GREB1: variants seen among roughly 807,000 people sequenced by gnomAD.
GREB1 encodes the protein protein GREB1.
A neutral mutation model predicts 200.7 loss-of-function variants in GREB1; 106 were observed. That is an observed-to-expected ratio of 0.53 (90% CI 0.45 to 0.62). GREB1 has a LOEUF of 0.62. GREB1 is among the 20% of genes least tolerant of loss of function. GREB1 has a pLI of 0.00. For missense variants in GREB1, 2,243 were observed against 2,556.8 expected, an observed-to-expected ratio of 0.88 and a Z score of 2.65; for synonymous variants, 1,132 against 1,092.4, an observed-to-expected ratio of 1.04 and a Z score of -0.72.
At chr2:11,551,703 C>T (rs1424585107) in intron 1 of GREB1, among the ~76,000 whole-genome samples, 4 of 152,174 alleles carry the variant, frequency 2.6e-5, no homozygotes, top group Non-Finnish European at 5.9e-5. Context: ...AGACATCCTA[C>T]TCAGTGGTCT....
chr2:11,485,905 A>G (rs149858646), intron 1 of GREB1, among the ~76,000 whole-genome samples: 1 of 152,342 alleles, frequency 6.6e-6, no homozygotes, highest in Non-Finnish European at 1.5e-5. Flanking sequence ...GGAAGAAGAT[A>G]AGTGTAACAT....
At chr2:11,497,145 A>G (rs1293736747) in intron 1 of GREB1, among the ~76,000 whole-genome samples, 1 of 152,178 alleles carries the variant, frequency 6.6e-6, no homozygotes, top group Non-Finnish European at 1.5e-5. Flanking sequence ...CACCCCTGGC[A>G]ATTGGTGATC....
At chr2:11,559,593 T>C (rs1020177093) in intron 2 of GREB1, among the ~76,000 whole-genome samples, 2 of 152,154 alleles carry the variant, frequency 1.3e-5, no homozygotes, top group Non-Finnish European at 2.9e-5. Context: ...GGGATGTGTC[T>C]CCCTTATTTC....
intron 1 of GREB1, among the ~76,000 whole-genome samples, chr2:11,541,210 G>T (rs1166669278): frequency 1.3e-5 from 2 of 152,180 alleles, no homozygotes; most frequent in Non-Finnish European, 2.9e-5. Context: ...AGGTGGGAGG[G>T]TATGTGGTGT....
intron 1 of GREB1, among the ~76,000 whole-genome samples, chr2:11,514,384 G>A (rs1195061445): frequency 6.6e-6 from 1 of 152,184 alleles, no homozygotes; most frequent in East Asian, 1.9e-4. Context: ...ACCAGTTGGA[G>A]ACTCTGACTC....
rs567126149 is a variant in GREB1 at position 11,637,880 on chromosome 2, G to C, written c.5511G>C (p.Val1837=). The C allele has an allele frequency of 6.2e-7, 1 of 1,614,192 alleles. No homozygotes were observed. Among genetic ancestry groups the C allele is most frequent in the East Asian group, 2.2e-5 (1 of 44,880 alleles). ...PLSLKNHDHP[V]LSVDCYLNLG... ...CCCTGAAGAACCATGACCACCCAGTGCTGTCTGTCGACTGTTACCTGAACC... is the reference window on the plus strand; with the variant it reads ...CCCTGAAGAACCATGACCACCCAGTCCTGTCTGTCGACTGTTACCTGAACC... The change falls in exon 31 of 33, where the codon GTG becomes GTC. Residue 1837 remains valine, a synonymous_variant. Transcript: ENST00000381486.
chr2:11,522,938 G>A (rs562856825), intron 1 of GREB1, among the ~76,000 whole-genome samples: 68 of 152,260 alleles, frequency 4.5e-4, no homozygotes, highest in South Asian at 2.5e-3. Flanking sequence ...TCTTCTTGCA[G>A]CACTATTCAC....
intron 10 of GREB1, chr2:11,591,544 A>G: frequency 1.4e-6 from 1 of 692,662 alleles, no homozygotes. Context: ...TGAATTAATA[A>G]CCCAAATGAT....
In GREB1 at chr2:11,627,102, C is replaced by A; in HGVS notation, c.4447C>A (p.Gln1483Lys). ...GTACATGGGCTTCCACCCCCGCTAC[C>A]AGGTAGGCCCCAGCAGTTCCCCACC... is the stretch of plus-strand genomic sequence containing the variant. ...HQYMGFHPRY[Q>K]LYESTLHAFA... The change falls in exon 25 of 33, where the codon CAG (glutamine) becomes AAG (lysine). Residue 1483 changes from glutamine to lysine, a missense_variant and splice_region_variant. By Grantham distance (53) the Gln-to-Lys change is moderately conservative. Coordinates refer to ENST00000381486, the MANE Select transcript of GREB1 (RefSeq NM_014668.4). The A allele has an allele frequency of 6.3e-7, 1 of 1,590,400 alleles. No individual in the cohort carries two copies. The highest frequency in any genetic ancestry group is 1.1e-5 in the South Asian group (1 of 87,482).
intron 9 of GREB1, 120 bp from the exon 10 acceptor site, chr2:11,588,626 C>A: frequency 1.1e-6 from 1 of 919,598 alleles, no homozygotes; most frequent in Non-Finnish European, 1.8e-6. Flanking sequence ...ACAGGGCACT[C>A]GAGGGACCTG....
rs115302171 is a variant in GREB1, at chr2:11,547,007, G to A, written c.-161-9447G>A. Among the ~76,000 whole-genome samples the A allele has an allele frequency of 3.3e-3, 490 of 147,716 alleles. 3 individuals carry two copies. The highest frequency in any genetic ancestry group is 0.011 in the African/African-American group (432 of 40,090). The stretch of plus-strand genomic sequence containing the variant: ...GTTGCCCAGGCTGGATTGCAATGGC[G>A]CAATCTCGGCTCACGCAATCTCTGC... On this transcript the variant is annotated intron_variant, in intron 1 of 32. Transcript: ENST00000381486.
At chr2:11,609,723 GGAA>G (rs1358055316) in intron 17 of GREB1, among the ~76,000 whole-genome samples, 8 of 152,326 alleles carry the variant, frequency 5.3e-5, no homozygotes, top group African/African-American at 1.9e-4. Flanking sequence ...AGGATGGTCA[GGAA>G]GAAGGAGCAG....
At chr2:11,570,384 CAA>C (rs1372304917) in intron 4 of GREB1, among the ~76,000 whole-genome samples, 2 of 137,868 alleles carry the variant, frequency 1.5e-5, no homozygotes, top group Admixed American at 7.3e-5. Flanking sequence ...GTCTAGGCGA[CAA>C]GAGTGAAACT....
chr2:11,556,444 T>A lies in GREB1; in HGVS notation c.-161-10T>A. The A allele has an allele frequency of 1.9e-6, 1 of 524,820 alleles. No homozygotes were observed. The highest frequency in any genetic ancestry group is 3.0e-5 in the East Asian group (1 of 33,580). The allele number at this position is 524,820 out of a possible 1,614,324, so 32.5% of individuals were successfully genotyped here. On this transcript the variant is annotated splice_polypyrimidine_tract_variant and intron_variant, in intron 1 of 32. Transcript: ENST00000381486. Reference sequence around the variant, plus strand: ...TGTTACTTATATAACTTCCTGTAATTGCCCGGCAGTAGCTGCAGCTGAGGA... The same window carrying A: ...TGTTACTTATATAACTTCCTGTAATAGCCCGGCAGTAGCTGCAGCTGAGGA...
upstream of GREB1, among the ~76,000 whole-genome samples, chr2:11,529,599 G>A (rs1339169263): frequency 6.6e-6 from 1 of 152,194 alleles, no homozygotes; most frequent in African/African-American, 2.4e-5. Flanking sequence ...TTTGTGACTT[G>A]TGTGTGTAAC....
Position 11,633,052 on chromosome 2 carries a change from G to A in GREB1, c.4980G>A (p.Gly1660=), listed in dbSNP as rs1685015114. 2 of 1,613,984 alleles carry A rather than the reference G, an allele frequency of 1.2e-6. No homozygotes were observed. The highest frequency in any genetic ancestry group is 1.3e-5 in the African/African-American group (1 of 74,916). The change falls in exon 28 of 33, where the codon GGG becomes GGA. Residue 1660 remains glycine (G), a synonymous_variant. Transcript: ENST00000381486. The surrounding 1 kb of genome is among the most constrained non-coding windows in gnomAD (Gnocchi z 4.1). ...ACGTGGTGGATGTCAACTCTGCTGG[G>A]GAGAGAAGCAGGTGAGGTAACCTGA... is the stretch of plus-strand genomic sequence containing the variant. ...MWNVVDVNSA[G]ERSREFSWSE...
chr2:11,636,658 T>G, intron 30 of GREB1, among the ~76,000 whole-genome samples: 1 of 150,936 alleles, frequency 6.6e-6, no homozygotes, highest in Admixed American at 6.6e-5. Context: ...TCTGTGGGAG[T>G]CCCCAGGGAA....
chr2:11,494,463 G>A (rs987278311), intron 1 of GREB1, among the ~76,000 whole-genome samples: 1 of 152,258 alleles, frequency 6.6e-6, no homozygotes, highest in African/African-American at 2.4e-5. Context: ...GCTGACAGTT[G>A]AGAAGCATTG....
chr2:11,571,774 G>A (rs1448187995), intron 4 of GREB1, among the ~76,000 whole-genome samples: 2 of 151,672 alleles, frequency 1.3e-5, no homozygotes, highest in African/African-American at 2.4e-5. Context: ...GCAGTGGCGC[G>A]ATGTCGGCTC....
Sources: allele counts gnomAD v4.1 joint callset (sites outside exome capture counted in the v4.1 genomes callset), GRCh38; gene constraint gnomAD v4.1.1; non-coding constraint Gnocchi (gnomAD v3.1); transcripts MANE v1.5; gene names NCBI Gene and HGNC (gene_info 2026-07-23, HGNC 2026-07-21).